Variants in DDX19A observed in about 807,000 individuals in gnomAD.
The protein encoded by DDX19A is ATP-dependent RNA helicase DDX19A.
In DDX19A, 12 loss-of-function variants were observed where a neutral mutation model predicts 60.6. The ratio of observed to expected loss-of-function variants is 0.20; its 90% CI spans 0.13 to 0.32. The LOEUF is 0.32. DDX19A is among the 10% of genes least tolerant of loss of function. DDX19A has a pLI of 1.00. For missense variants in DDX19A, 337 were observed against 600.6 expected (o/e 0.56, Z 4.59); for synonymous variants, 206 against 218.2 (o/e 0.94, Z 0.49).
Position 70,366,117 on chromosome 16 carries a change from G to C in DDX19A, c.637G>C (p.Val213Leu), listed in dbSNP as rs779385922. The change falls in exon 8 of 12, where the codon GTC (valine) becomes CTC (leucine). Residue 213 changes from valine to leucine, a missense_variant. This residue lies in a region of DDX19A where 62 missense variants were observed against 75.7 expected (regional missense o/e 0.82). Coordinates refer to ENST00000302243, the MANE Select transcript of DDX19A (RefSeq NM_018332.5). ...AGGCCAGAAGATCAGTGAGCAGATT[G>C]TCATTGGCACCCCTGGGACCGTGCT... ...ERGQKISEQI[V>L]IGTPGTVLDW... 4 of 1,614,180 alleles carry C rather than the reference G, an allele frequency of 2.5e-6. No homozygotes were observed. The South Asian group carries it at 3.3e-5, about 13-fold the overall frequency.
chr16:70,370,982 C>T (rs956631202), intron 10 of DDX19A: 6 of 299,006 alleles, frequency 2.0e-5, no homozygotes, highest in Admixed American at 9.7e-5. Context: ...GCAACAAGAG[C>T]GAAACTCCGT....
chr16:70,364,856 C>G (rs1030759491), intron 6 of DDX19A, 161 bp from the exon 7 acceptor site: 1 of 679,004 alleles, frequency 1.5e-6, no homozygotes, highest in African/African-American at 1.8e-5. Context: ...CAAGCCAGGG[C>G]TACCTGCTGC....
At chr16:70,362,672 G>A (rs1964402678) in intron 5 of DDX19A, among the ~76,000 whole-genome samples, 1 of 151,968 alleles carries the variant, frequency 6.6e-6, no homozygotes, top group African/African-American at 2.4e-5. Context: ...CGACCTCCTG[G>A]GCTTAATTAA....
intron 1 of DDX19A, among the ~76,000 whole-genome samples, chr16:70,350,244 C>T (rs1963970302): frequency 6.6e-6 from 1 of 152,154 alleles, no homozygotes; most frequent in African/African-American, 2.4e-5. Context: ...CAGAGTGAGA[C>T]CTTGTCTCAG....
chr16:70,367,893 A>G (rs1964566615), intron 9 of DDX19A, among the ~76,000 whole-genome samples: 2 of 150,352 alleles, frequency 1.3e-5, no homozygotes, highest in African/African-American at 4.9e-5. Context: ...AAAAAAAAAG[A>G]GGCCAGGCTT....
chr16:70,353,354 A>G (rs899895961), intron 2 of DDX19A, among the ~76,000 whole-genome samples: 7 of 151,478 alleles, frequency 4.6e-5, no homozygotes, highest in Admixed American at 3.3e-4. Context: ...AGCTCAGGCA[A>G]TCCGCTCGCT....
intron 2 of DDX19A, among the ~76,000 whole-genome samples, chr16:70,352,942 T>G (rs184093192): frequency 6.6e-6 from 1 of 152,146 alleles, no homozygotes; most frequent in East Asian, 1.9e-4. Flanking sequence ...CTGGCTGATA[T>G]ACCATGATTT....
At chr16:70,348,667 C>T (rs1597518080) in intron 1 of DDX19A, among the ~76,000 whole-genome samples, 1 of 148,410 alleles carries the variant, frequency 6.7e-6, no homozygotes, top group East Asian at 2.0e-4. Context: ...AGGCTGGGCA[C>T]AGTGGCTCAC....
intron 9 of DDX19A, among the ~76,000 whole-genome samples, chr16:70,369,500 A>G (rs765060001): frequency 2.0e-5 from 3 of 151,750 alleles, no homozygotes; most frequent in East Asian, 1.9e-4. Context: ...TTTTACTCCT[A>G]GGCTCAAGTG....
chr16:70,355,922 A>G, intron 3 of DDX19A, 190 bp from the exon 4 acceptor site: 1 of 707,556 alleles, frequency 1.4e-6, no homozygotes, highest in Non-Finnish European at 2.3e-6. Flanking sequence ...TGATTGCTCC[A>G]CTGCACTCCA....
intron 4 of DDX19A, 64 bp downstream of exon 4, chr16:70,356,311 C>T: frequency 1.9e-6 from 3 of 1,574,344 alleles, no homozygotes; most frequent in Non-Finnish European, 2.6e-6. Flanking sequence ...AACTTAGCAT[C>T]TGAGAGATTC....
chr16:70,355,280 C>T (rs550760132), intron 2 of DDX19A, among the ~76,000 whole-genome samples: 3 of 152,180 alleles, frequency 2.0e-5, no homozygotes, highest in East Asian at 1.9e-4. Flanking sequence ...GCGGCTGAGG[C>T]GGGAGAATTG....
chr16:70,368,329 A>G (rs1388211019), intron 9 of DDX19A, among the ~76,000 whole-genome samples: 2 of 151,694 alleles, frequency 1.3e-5, no homozygotes, highest in Non-Finnish European at 2.9e-5. Flanking sequence ...CTGGAGTGCA[A>G]TGGTGTGATC....
chr16:70,371,141 A>G (rs1964674251), intron 10 of DDX19A: 2 of 704,680 alleles, frequency 2.8e-6, no homozygotes, highest in African/African-American at 3.6e-5. Context: ...TGTGTCTCCC[A>G]GAGGATTACC....
At chr16:70,355,889 G>T in intron 3 of DDX19A, 1 of 624,456 alleles carries the variant, frequency 1.6e-6, no homozygotes. Flanking sequence ...CAGAGCCCAG[G>T]AATTCTAGAC....
chr16:70,364,266 C>T, intron 5 of DDX19A: 2 of 362,560 alleles, frequency 5.5e-6, no homozygotes, highest in South Asian at 6.8e-5. Context: ...CCCTGTGCCC[C>T]TTGGGGTGCA....
chr16:70,354,490 C>G (rs1040707842), intron 2 of DDX19A, among the ~76,000 whole-genome samples: 1 of 152,212 alleles, frequency 6.6e-6, no homozygotes, highest in African/African-American at 2.4e-5. Context: ...TGTTTCCCTA[C>G]AATCTCATCA....
At chr16:70,370,140 C>G (rs1964638191) in intron 9 of DDX19A, 83 bp from the exon 10 acceptor site, 4 of 1,493,460 alleles carry the variant, frequency 2.7e-6, no homozygotes, top group Non-Finnish European at 2.7e-6. Context: ...TTAGATCACC[C>G]TGAGTGACAG....
chr16:70,359,263 T>C (rs1011110733), intron 4 of DDX19A, among the ~76,000 whole-genome samples: 4 of 152,236 alleles, frequency 2.6e-5, no homozygotes, highest in Admixed American at 2.0e-4. Flanking sequence ...CTTTGTTTCC[T>C]TGGCAACCAA....
Sources: allele counts gnomAD v4.1 joint callset (sites outside exome capture counted in the v4.1 genomes callset), GRCh38; gene constraint gnomAD v4.1.1; regional missense constraint gnomAD v4.1.1; transcripts MANE v1.5; gene names NCBI Gene and HGNC (gene_info 2026-07-23, HGNC 2026-07-21).